The following HMG20A variants were observed in gnomAD, a reference collection of about 807,000 sequenced individuals.
The protein encoded by HMG20A is high mobility group 20A.
Under a neutral mutation model 43.9 loss-of-function variants are expected in HMG20A, and 17 were observed. That is an observed-to-expected ratio of 0.39 (90% CI 0.27 to 0.58). The LOEUF (loss-of-function observed/expected upper bound fraction) is 0.58. Among genes scored for constraint, HMG20A ranks in the 20% least tolerant of loss-of-function variants. The probability of loss-of-function intolerance (pLI) is 0.59; values close to 1 mark genes in which losing one functional copy is unlikely to be tolerated. For synonymous variants in HMG20A, 132 were observed against 147.5 expected (o/e 0.89, Z 0.76); for missense variants, 341 against 438.2 (o/e 0.78, Z 1.98).
At chr15:77,456,407 G>T (rs755812319) in intron 1 of HMG20A, among the ~76,000 whole-genome samples, 1 of 152,084 alleles carries the variant, frequency 6.6e-6, no homozygotes, top group Non-Finnish European at 1.5e-5. Flanking sequence ...AATCCCAGGC[G>T]TAGTGGCTCA....
the HMG20A span, among the ~76,000 whole-genome samples, chr15:77,511,086 G>A: frequency 6.6e-6 from 1 of 152,228 alleles, no homozygotes; most frequent in Non-Finnish European, 1.5e-5. Flanking sequence ...TACATGCAAG[G>A]GCATTGAGCA....
At chr15:77,513,212 C>G in the HMG20A span, among the ~76,000 whole-genome samples, 10 of 152,304 alleles carry the variant, frequency 6.6e-5, no homozygotes, top group Non-Finnish European at 1.0e-4. Context: ...AGTAAGAGAG[C>G]ATCCTACCTT....
intron 1 of HMG20A, among the ~76,000 whole-genome samples, chr15:77,424,903 A>C (rs1229523813): frequency 1.3e-5 from 2 of 152,048 alleles, no homozygotes; most frequent in East Asian, 3.9e-4. Flanking sequence ...GACCTTTCAC[A>C]CTATGATCAT....
intron 4 of HMG20A, among the ~76,000 whole-genome samples, chr15:77,469,338 C>T (rs748368854): frequency 6.6e-6 from 1 of 151,478 alleles, no homozygotes; most frequent in Non-Finnish European, 1.5e-5. Context: ...ATGGTTACAA[C>T]GTGATGATTT....
At chr15:77,436,276 C>A (rs934744023) in intron 1 of HMG20A, among the ~76,000 whole-genome samples, 15 of 150,702 alleles carry the variant, frequency 1.0e-4, no homozygotes, top group African/African-American at 2.5e-4. Context: ...ACTTACACAC[C>A]CCCCTATCCA....
Position 77,479,220 on chromosome 15 carries a change from A to G in HMG20A, c.949A>G (p.Met317Val), listed in dbSNP as rs374136790. 15 of 1,613,756 alleles carry G rather than the reference A, an allele frequency of 9.3e-6. No individual in the cohort carries two copies. Among genetic ancestry groups the G allele is most frequent in the Admixed American group, 1.7e-5 (1 of 60,016 alleles). ...TACAGTGGACACCATTGACTCATAT[A>G]TGAACAGACTGCACAGTATTATTTT... Reference protein sequence around the residue: ...TPTVDTIDSYMNRLHSIILAN... With the variant: ...TPTVDTIDSYVNRLHSIILAN... The change falls in exon 9 of 10, where the codon ATG becomes GTG. Residue 317 changes from methionine to valine, a missense_variant. This residue lies in a region of HMG20A where 118 missense variants were observed against 154.5 expected (regional missense o/e 0.76). Coordinates refer to ENST00000336216, the MANE Select transcript of HMG20A (RefSeq NM_001304504.2).
At chr15:77,501,169 T>TA in the HMG20A span, among the ~76,000 whole-genome samples, 1 of 152,226 alleles carries the variant, frequency 6.6e-6, no homozygotes. Flanking sequence ...CACTCAGTAG[T>TA]AAGTCTGTTG....
At chr15:77,503,452 T>C in the HMG20A span, among the ~76,000 whole-genome samples, 1 of 152,058 alleles carries the variant, frequency 6.6e-6, no homozygotes, top group Non-Finnish European at 1.5e-5. Flanking sequence ...CTCAGGGTGG[T>C]GAAAATTCCC....
chr15:77,460,620 G>C (rs2072696542), intron 2 of HMG20A, among the ~76,000 whole-genome samples: 1 of 152,176 alleles, frequency 6.6e-6, no homozygotes, highest in African/African-American at 2.4e-5. Context: ...GATCACCAAA[G>C]AAATGAGCAC....
intron 1 of HMG20A, among the ~76,000 whole-genome samples, chr15:77,443,375 TGATG>T (rs1567394373): frequency 6.3e-4 from 85 of 134,692 alleles, no homozygotes; most frequent in Non-Finnish European, 1.2e-3. Flanking sequence ...ATGATGATGA[TGATG>T]ATTATTATTA....
intron 1 of HMG20A, among the ~76,000 whole-genome samples, chr15:77,448,211 T>G (rs566349109): frequency 6.6e-6 from 1 of 152,346 alleles, no homozygotes; most frequent in Non-Finnish European, 1.5e-5. Context: ...TCATTCAGTC[T>G]GTTCTTAAAA....
intron 2 of HMG20A, among the ~76,000 whole-genome samples, chr15:77,463,545 A>G (rs942989146): frequency 1.3e-5 from 2 of 152,196 alleles, no homozygotes; most frequent in African/African-American, 4.8e-5. Context: ...TCCACATGTA[A>G]TAAGATAAGT....
the HMG20A span, among the ~76,000 whole-genome samples, chr15:77,507,511 C>A: frequency 2.0e-5 from 3 of 152,122 alleles, no homozygotes; most frequent in African/African-American, 7.2e-5. Flanking sequence ...AGGGAGAAAT[C>A]TAAGTGGGAA....
chr15:77,481,871 C>CTGA (rs2072908261), intron 9 of HMG20A, among the ~76,000 whole-genome samples: 1 of 152,188 alleles, frequency 6.6e-6, no homozygotes, highest in Non-Finnish European at 1.5e-5. Flanking sequence ...GACAGCGAGG[C>CTGA]TGATGTCCCC....
At chr15:77,469,049 T>C (rs986501501) in intron 4 of HMG20A, among the ~76,000 whole-genome samples, 3 of 152,062 alleles carry the variant, frequency 2.0e-5, no homozygotes, top group African/African-American at 7.2e-5. Flanking sequence ...AGATGTTTCC[T>C]TGTGATTAGA....
the HMG20A span, among the ~76,000 whole-genome samples, chr15:77,496,982 A>T: frequency 2.6e-5 from 4 of 152,248 alleles, no homozygotes; most frequent in Admixed American, 2.6e-4. Flanking sequence ...CAGTGCTGGC[A>T]GGAGAGCTGG....
Position 77,485,005 on chromosome 15 carries a change from T to C in HMG20A, c.*2042T>C, listed in dbSNP as rs1178505290. On this transcript the variant is annotated 3_prime_UTR_variant, in exon 10 of 10. Transcript: ENST00000336216. ...GCCATAACATGGTCCAGGATCATCATTCTTCTGACTCTAGATGGGACACTT... is the reference window on the plus strand; with the variant it reads ...GCCATAACATGGTCCAGGATCATCACTCTTCTGACTCTAGATGGGACACTT... 1 of 152,264 alleles carries C rather than the reference T, an allele frequency of 6.6e-6. No homozygotes were observed. Among genetic ancestry groups the C allele is most frequent in the African/African-American group, 2.4e-5 (1 of 41,466 alleles). 9.4% of individuals were successfully genotyped at this position (152,264 alleles called of 1,614,324 possible). A position where few individuals can be genotyped will look rare whatever the true frequency, so the allele number is the denominator to read the frequency against.
chr15:77,429,064 C>G (rs940380187), intron 1 of HMG20A, among the ~76,000 whole-genome samples: 1 of 151,772 alleles, frequency 6.6e-6, no homozygotes, highest in Non-Finnish European at 1.5e-5. Flanking sequence ...ATATGTTGGC[C>G]GGGCACAGTG....
At chr15:77,459,859 G>A (rs1437532973) in intron 2 of HMG20A, among the ~76,000 whole-genome samples, 1 of 152,154 alleles carries the variant, frequency 6.6e-6, no homozygotes, top group Non-Finnish European at 1.5e-5. Context: ...TTTCTAACAA[G>A]CTCCCAGAGA....
Sources: allele counts gnomAD v4.1 joint callset (sites outside exome capture counted in the v4.1 genomes callset), GRCh38; gene constraint gnomAD v4.1.1; regional missense constraint gnomAD v4.1.1; transcripts MANE v1.5; gene names NCBI Gene and HGNC (gene_info 2026-07-23, HGNC 2026-07-21).